DMD: variants seen among roughly 807,000 people sequenced by gnomAD.
DMD encodes the protein mutant dystrophin.
A neutral mutation model predicts 330.1 loss-of-function variants in DMD; 63 were observed. The ratio of observed to expected loss-of-function variants is 0.19; its 90% CI spans 0.16 to 0.24. DMD has a LOEUF of 0.24. DMD is among the 10% of genes least tolerant of loss of function. The probability of loss-of-function intolerance (pLI) is 1.00; values close to 1 mark genes in which losing one functional copy is unlikely to be tolerated. For missense variants in DMD, 3,344 were observed against 2,684.1 expected, an observed-to-expected ratio of 1.25 and a Z score of -5.43; for synonymous variants, 1,223 against 959.8, an observed-to-expected ratio of 1.27 and a Z score of -5.07.
intron 13 of DMD, among the ~76,000 whole-genome samples, chrX:32,575,234 G>A (rs930150695): frequency 1.8e-5 from 2 of 110,962 alleles, no homozygotes; most frequent in Non-Finnish European, 3.8e-5. Context: ...GGAGAGTCAC[G>A]TTTCTTAAAT....
chrX:31,627,569 A>T, intron 55 of DMD, 104 bp downstream of exon 55: 1 of 878,589 alleles, frequency 1.1e-6, no homozygotes, highest in Non-Finnish European at 1.6e-6. Flanking sequence ...GCTGTATAAA[A>T]GCAACTATTT....
chrX:31,588,550 A>G (rs2076717263), intron 55 of DMD, among the ~76,000 whole-genome samples: 1 of 111,569 alleles, frequency 9.0e-6, no homozygotes, highest in Non-Finnish European at 1.9e-5. Context: ...AAACCACAAT[A>G]AAGGGTTTGG....
rs780207443 is a variant in DMD at position 32,657,368 on chromosome X, A to G, written c.961-12216T>C. Among the ~76,000 whole-genome samples, 5 of 112,366 alleles carry G rather than the reference A, an allele frequency of 4.4e-5. No individual in the cohort carries two copies. In the Admixed American group the frequency reaches 4.7e-4, roughly 11 times the overall value. On this transcript the variant is annotated intron_variant, in intron 9 of 78. Transcript: ENST00000357033. The stretch of plus-strand genomic sequence containing the variant: ...GCAAGTTTATAATAAAATTTTCATA[A>G]GCATCAATAAAAAAACTTTCTCAGA...
chrX:31,427,362 TTAA>T (rs2063775259), intron 60 of DMD, among the ~76,000 whole-genome samples: 1 of 111,649 alleles, frequency 9.0e-6, no homozygotes. Context: ...CTTCTGCACA[TTAA>T]TATCATTTCT....
At chrX:32,389,395 T>C (rs1031141079) in intron 32 of DMD, 106 bp downstream of exon 32, 1 of 908,271 alleles carries the variant, frequency 1.1e-6, no homozygotes, top group East Asian at 3.3e-5. Context: ...TTACATAGTA[T>C]AATTATTATG....
At chrX:33,321,125 A>G (rs1274034275) in intron 1 of DMD, among the ~76,000 whole-genome samples, 2 of 111,538 alleles carry the variant, frequency 1.8e-5, no homozygotes, top group Non-Finnish European at 3.8e-5. Flanking sequence ...TAAATGTGAT[A>G]TTTTGACCTC....
chrX:32,179,176 C>A (rs1485509916), intron 44 of DMD, among the ~76,000 whole-genome samples: 1 of 111,255 alleles, frequency 9.0e-6, no homozygotes, highest in African/African-American at 3.3e-5. Context: ...GAACACCTTT[C>A]TTTTTACTTT....
chrX:32,405,888 G>A (rs1051061538), intron 30 of DMD, among the ~76,000 whole-genome samples: 1 of 111,660 alleles, frequency 9.0e-6, no homozygotes, highest in Non-Finnish European at 1.9e-5. Context: ...CCATGAGCAT[G>A]GAATGTTCTT....
intron 55 of DMD, among the ~76,000 whole-genome samples, chrX:31,602,778 G>A (rs756441423): frequency 6.3e-5 from 7 of 111,604 alleles, no homozygotes; most frequent in African/African-American, 2.3e-4. Context: ...TTCCGTCATC[G>A]TCAGAGAGAT....
chrX:31,236,570 G>T (rs774794978), intron 63 of DMD, among the ~76,000 whole-genome samples: 18 of 112,096 alleles, frequency 1.6e-4, no homozygotes, highest in Non-Finnish European at 2.8e-4. Flanking sequence ...GGCTTATATG[G>T]GTAAGGCACT....
chrX:32,732,352 A>T (rs1176791843), intron 7 of DMD, among the ~76,000 whole-genome samples: 1 of 111,215 alleles, frequency 9.0e-6, no homozygotes, highest in Non-Finnish European at 1.9e-5. Flanking sequence ...GATATTATCC[A>T]GGAGAACTTC....
chrX:32,468,383 T>C lies in DMD; in HGVS notation c.3162+115A>G, dbSNP rs1303367827. 6.2e-6 allele frequency: 4 copies of C among 649,205 alleles called. No homozygotes were observed. In the East Asian group the frequency reaches 1.1e-4, roughly 18 times the overall value. The allele number at this position is 649,205 out of a possible 1,213,427, so 53.5% of individuals were successfully genotyped here. ...GACTCATGTCTTTTCATCTTCTCACTAACTTTGAAAGATGCTGAAGGTCAA... is the reference window on the plus strand; with the variant it reads ...GACTCATGTCTTTTCATCTTCTCACCAACTTTGAAAGATGCTGAAGGTCAA... On this transcript the variant is annotated intron_variant, in intron 23 of 78. Coordinates refer to ENST00000357033, the MANE Select transcript of DMD (RefSeq NM_004006.3).
intron 3 of DMD, among the ~76,000 whole-genome samples, chrX:32,846,731 A>C: frequency 9.5e-6 from 1 of 105,084 alleles, no homozygotes; most frequent in East Asian, 3.0e-4. Context: ...TTTAAAAAAA[A>C]AAAAAAAAAA....
At chrX:32,416,873 C>G (rs1170130652) in intron 29 of DMD, among the ~76,000 whole-genome samples, 1 of 111,637 alleles carries the variant, frequency 9.0e-6, no homozygotes, top group African/African-American at 3.3e-5. Flanking sequence ...CTTCAGTGGA[C>G]CAAGCAACAC....
chrX:31,137,343 C>A (rs1483975698), intron 76 of DMD, among the ~76,000 whole-genome samples: 1 of 111,938 alleles, frequency 8.9e-6, no homozygotes, highest in Non-Finnish European at 1.9e-5. Flanking sequence ...GAATCGAAAT[C>A]AGACATCACA....
At chrX:33,121,653 C>T (rs2095426005) in intron 1 of DMD, among the ~76,000 whole-genome samples, 1 of 111,681 alleles carries the variant, frequency 9.0e-6, no homozygotes, top group African/African-American at 3.3e-5. Context: ...CTACGTATGG[C>T]CTTTGGGAGA....
At position 32,472,255 on chromosome X, in the gene DMD, G is replaced by A. The variant is rs142133195; in HGVS notation, c.2858C>T (p.Thr953Ile). ...TTTGGTTTCTGACTGCTGGACCCATGTCCTGATGGCACTCATGGTCTCCTG... is the reference window on the plus strand; with the variant it reads ...TTTGGTTTCTGACTGCTGGACCCATATCCTGATGGCACTCATGGTCTCCTG... The part of the protein sequence containing the change: ...RYQETMSAIR[T>I]WVQQSETKLS... The change falls in exon 22 of 79, where the codon ACA (threonine) becomes ATA (isoleucine). Residue 953 changes from threonine (T) to isoleucine (I), a missense_variant. Coordinates refer to ENST00000357033, the MANE Select transcript of DMD (RefSeq NM_004006.3). The A allele has an allele frequency of 1.9e-5, 23 of 1,208,782 alleles. No individual in the cohort carries two copies. The African/African-American group carries it at 3.9e-4, about 20-fold the overall frequency.
At position 32,783,405 on chromosome X, in the gene DMD, C is replaced by CA. The variant is rs1569520692; in HGVS notation, c.649+26087_649+26088insT. On this transcript the variant is annotated intron_variant, in intron 7 of 78. Transcript: ENST00000357033. ...ATATACCATATATATACACACACAC[C>CA]CCTAGTATGTACCCACAAAAATTTC... is the stretch of plus-strand genomic sequence containing the variant. Among the ~76,000 whole-genome samples, 36 of 101,727 alleles carry CA rather than the reference C, an allele frequency of 3.5e-4. 1 individual carries two copies. Among genetic ancestry groups the CA allele is most frequent in the African/African-American group, 1.2e-3 (34 of 27,915 alleles). The allele number at this position is 101,727 out of a possible 115,157, so 88.3% of individuals were successfully genotyped here. A position where few individuals can be genotyped will look rare whatever the true frequency, so the allele number is the denominator to read the frequency against.
chrX:31,506,402 T>C (rs1383301883), intron 56 of DMD, among the ~76,000 whole-genome samples: 2 of 111,874 alleles, frequency 1.8e-5, no homozygotes, highest in Non-Finnish European at 3.8e-5. Context: ...TATCACTTTT[T>C]CTCTAGACAC....
Sources: allele counts gnomAD v4.1 joint callset (sites outside exome capture counted in the v4.1 genomes callset), GRCh38; gene constraint gnomAD v4.1.1; transcripts MANE v1.5; gene names NCBI Gene and HGNC (gene_info 2026-07-23, HGNC 2026-07-21).